The following RAB40B variants were observed in gnomAD, a reference collection of about 807,000 sequenced individuals.
RAB40B encodes the protein ras-related protein Rab-40B.
Under a neutral mutation model 24.0 loss-of-function variants are expected in RAB40B, and 21 were observed. The observed-to-expected ratio is 0.88, with a 90% CI of 0.62 to 1.26. RAB40B has a LOEUF of 1.26. RAB40B is among the 50% of genes most tolerant of loss of function. RAB40B has a pLI of 0.00. For synonymous variants in RAB40B, 167 were observed against 169.8 expected, an observed-to-expected ratio of 0.98 and a Z score of 0.13; for missense variants, 348 against 390.5, an observed-to-expected ratio of 0.89 and a Z score of 0.92.
At position 82,655,364 on chromosome 17, in the gene RAB40B, A is replaced by T. The variant is rs2143427969; in HGVS notation, c.*2499T>A. 6.6e-6 allele frequency: 1 copy of T among 152,318 alleles called. No homozygotes were observed. The highest frequency in any genetic ancestry group is 1.9e-4 in the East Asian group (1 of 5,184). 9.4% of individuals were successfully genotyped at this position (152,318 alleles called of 1,614,324 possible). ...GCCCGTGCATTCGGTGAACACCTCC[A>T]AAGAGCTCTGAGTCACAAAGCCTTG... is the stretch of plus-strand genomic sequence containing the variant. On this transcript the variant is annotated 3_prime_UTR_variant, in exon 6 of 6. Coordinates refer to ENST00000571995, the MANE Select transcript of RAB40B (RefSeq NM_006822.3).
In RAB40B at chr17:82,657,193, A is replaced by G. The variant is rs994232151; in HGVS notation, c.*670T>C. On this transcript the variant is annotated 3_prime_UTR_variant, in exon 6 of 6. Coordinates refer to ENST00000571995, the MANE Select transcript of RAB40B (RefSeq NM_006822.3). ...CGAAACTGTGCTGGCTGTGTTCAAC[A>G]TAACTAGAGGTATCTTTGGCATTTT... The G allele has an allele frequency of 6.2e-6, 1 of 162,492 alleles. No individual in the cohort carries two copies. Among genetic ancestry groups the G allele is most frequent in the African/African-American group, 2.4e-5 (1 of 41,492 alleles). The allele number at this position is 162,492 out of a possible 1,614,324, so 10.1% of individuals were successfully genotyped here. A position where few individuals can be genotyped will look rare whatever the true frequency, so the allele number is the denominator to read the frequency against.
At chr17:82,682,968 C>T (rs1240624177) in intron 1 of RAB40B, among the ~76,000 whole-genome samples, 1 of 152,132 alleles carries the variant, frequency 6.6e-6, no homozygotes, top group Non-Finnish European at 1.5e-5. Flanking sequence ...CAAGGTAAAA[C>T]CCTGTCTCTA....
intron 1 of RAB40B, among the ~76,000 whole-genome samples, chr17:82,674,380 C>T (rs1439437680): frequency 6.7e-6 from 1 of 150,242 alleles, no homozygotes; most frequent in Non-Finnish European, 1.5e-5. Flanking sequence ...GCCTGTAACC[C>T]CAGCACTTTG....
intron 4 of RAB40B, chr17:82,658,951 A>C: frequency 4.0e-6 from 2 of 504,802 alleles, no homozygotes; most frequent in South Asian, 2.9e-5. Flanking sequence ...AGACACAGAC[A>C]CTCGGAGGAG....
intron 1 of RAB40B, among the ~76,000 whole-genome samples, chr17:82,695,436 C>A (rs2046599474): frequency 6.6e-6 from 1 of 151,354 alleles, no homozygotes; most frequent in Non-Finnish European, 1.5e-5. Flanking sequence ...ATGACCCGCC[C>A]ACCTTGGCCT....
rs778583935 is a variant in RAB40B, at chr17:82,659,650, A to C, written c.272T>G (p.Ile91Ser). The stretch of plus-strand genomic sequence containing the variant: ...GCGGTTCGCAATGTCATAGACCAGG[A>C]TCACACCCTGGGGGAGAGGTCACAG... The part of the protein sequence containing the change: ...RSYSRGAQGV[I>S]LVYDIANRWS... The change falls in exon 4 of 6, where the codon ATC (isoleucine) becomes AGC (serine). Residue 91 changes from isoleucine to serine, a missense_variant. This residue lies in a region of RAB40B where 126 missense variants were observed against 181.0 expected (regional missense o/e 0.70). Coordinates refer to ENST00000571995, the MANE Select transcript of RAB40B (RefSeq NM_006822.3). 1 of 1,614,074 alleles carries C rather than the reference A, an allele frequency of 6.2e-7. No individual in the cohort carries two copies. Among genetic ancestry groups the C allele is most frequent in the Non-Finnish European group, 8.5e-7 (1 of 1,179,944 alleles).
chr17:82,662,916 G>A (rs960134438), intron 2 of RAB40B, among the ~76,000 whole-genome samples: 10 of 152,218 alleles, frequency 6.6e-5, no homozygotes, highest in African/African-American at 9.7e-5. Context: ...AGGGGCAGGC[G>A]TGGGGCCGAG....
intron 1 of RAB40B, among the ~76,000 whole-genome samples, chr17:82,679,066 G>A (rs542826469): frequency 6.7e-6 from 1 of 150,270 alleles, no homozygotes; most frequent in Non-Finnish European, 1.5e-5. Context: ...TGTATTTTTA[G>A]TAGAGACGGG....
At position 82,667,047 on chromosome 17, in the gene RAB40B, G is replaced by A. The variant is rs186000791; in HGVS notation, c.143-2491C>T. Among the ~76,000 whole-genome samples the A allele has an allele frequency of 1.3e-3, 197 of 152,354 alleles. 1 individual carries two copies. The highest frequency in any genetic ancestry group is 2.2e-3 in the Non-Finnish European group (153 of 68,024). ...ACCAGACCTCACCCTGGAGACCGTCGTGGAGCACACGGCCTCTGCAGCTCT... is the reference window on the plus strand; with the variant it reads ...ACCAGACCTCACCCTGGAGACCGTCATGGAGCACACGGCCTCTGCAGCTCT... On this transcript the variant is annotated intron_variant, in intron 1 of 5. Coordinates refer to ENST00000571995, the MANE Select transcript of RAB40B (RefSeq NM_006822.3). The surrounding 1 kb of genome is among the most constrained non-coding windows in gnomAD (Gnocchi z 4.3).
At chr17:82,685,097 G>C (rs1230385145) in intron 1 of RAB40B, among the ~76,000 whole-genome samples, 1 of 149,970 alleles carries the variant, frequency 6.7e-6, no homozygotes, top group Non-Finnish European at 1.5e-5. Context: ...TGGGTGACAA[G>C]AGTGAAACTC....
rs2046080158 is a variant in RAB40B, at chr17:82,655,400, T to C, written c.*2463A>G. ...AGTCACAAAGCCTTGGGAAACTTTA[T>C]TTTATTCTTTCTAGGACATTATCAG... On this transcript the variant is annotated 3_prime_UTR_variant, in exon 6 of 6. Coordinates refer to ENST00000571995, the MANE Select transcript of RAB40B (RefSeq NM_006822.3). The C allele has an allele frequency of 6.6e-6, 1 of 152,220 alleles. No homozygotes were observed. Among genetic ancestry groups the C allele is most frequent in the African/African-American group, 2.4e-5 (1 of 41,458 alleles). The allele number at this position is 152,220 out of a possible 1,614,324, so 9.4% of individuals were successfully genotyped here.
At position 82,667,634 on chromosome 17, in the gene RAB40B, T is replaced by C. The variant is rs1183392925; in HGVS notation, c.143-3078A>G. On this transcript the variant is annotated intron_variant, in intron 1 of 5. Transcript: ENST00000571995. The surrounding 1 kb of genome is among the most constrained non-coding windows in gnomAD (Gnocchi z 4.3). ...CATCCTCCTCTGTCTCCTGCTAAAC[T>C]CCACACTCTGTCCACAGAGACTGCC... 6.6e-6 allele frequency among the ~76,000 whole-genome samples: 1 copy of C among 151,952 alleles called. No homozygotes were observed. Among genetic ancestry groups the C allele is most frequent in the Non-Finnish European group, 1.5e-5 (1 of 68,006 alleles).
Position 82,667,729 on chromosome 17 carries a change from C to T in RAB40B, c.143-3173G>A, listed in dbSNP as rs2046275655. ...CTCCCCCCGTCAGAGGAGAGTGATT[C>T]AGAGGACAAAAGATACAGCAGCACT... On this transcript the variant is annotated intron_variant, in intron 1 of 5. Coordinates refer to ENST00000571995, the MANE Select transcript of RAB40B (RefSeq NM_006822.3). The surrounding 1 kb of genome is among the most constrained non-coding windows in gnomAD (Gnocchi z 4.3). Among the ~76,000 whole-genome samples the T allele has an allele frequency of 6.6e-6, 1 of 152,216 alleles. No homozygotes were observed. The highest frequency in any genetic ancestry group is 1.5e-5 in the Non-Finnish European group (1 of 68,044).
rs2046196953 is a variant in RAB40B at position 82,663,143 on chromosome 17, G to A, written c.203+1353C>T. On this transcript the variant is annotated intron_variant, in intron 2 of 5. Coordinates refer to ENST00000571995, the MANE Select transcript of RAB40B (RefSeq NM_006822.3). This position sits in a 1 kb window ranked among gnomAD's most constrained non-coding sequence, Gnocchi z 6.2. Reference sequence around the variant, plus strand: ...CCGGGGGAGTGGGGACCTGAGAGCAGACTGGGCGGGAGGCCTGAAGCTGTG... The same window carrying A: ...CCGGGGGAGTGGGGACCTGAGAGCAAACTGGGCGGGAGGCCTGAAGCTGTG... 6.6e-6 allele frequency among the ~76,000 whole-genome samples: 1 copy of A among 152,202 alleles called. No homozygotes were observed. Among genetic ancestry groups the A allele is most frequent in the Non-Finnish European group, 1.5e-5 (1 of 68,034 alleles).
chr17:82,697,324 C>T lies in RAB40B; in HGVS notation c.142+1131G>A, dbSNP rs1315349157. Among the ~76,000 whole-genome samples, 1 of 152,156 alleles carries T rather than the reference C, an allele frequency of 6.6e-6. No homozygotes were observed. Among genetic ancestry groups the T allele is most frequent in the Non-Finnish European group, 1.5e-5 (1 of 68,010 alleles). On this transcript the variant is annotated intron_variant, in intron 1 of 5. Transcript: ENST00000571995. This position sits in a 1 kb window ranked among gnomAD's most constrained non-coding sequence, Gnocchi z 4.9. Reference sequence around the variant, plus strand: ...TTAGGGGACAGCCTGCACCCTCTACCGAGCAGCCTCAGATCCCGCTTCCTC... The same window carrying T: ...TTAGGGGACAGCCTGCACCCTCTACTGAGCAGCCTCAGATCCCGCTTCCTC...
chr17:82,689,438 C>T (rs901623294), intron 1 of RAB40B, among the ~76,000 whole-genome samples: 4 of 152,164 alleles, frequency 2.6e-5, no homozygotes, highest in African/African-American at 9.7e-5. Flanking sequence ...CCTCTCCCAG[C>T]CTGTCACTGG....
chr17:82,685,893 T>C (rs2046495057), intron 1 of RAB40B, among the ~76,000 whole-genome samples: 1 of 151,040 alleles, frequency 6.6e-6, no homozygotes, highest in African/African-American at 2.4e-5. Flanking sequence ...AACCTCCACC[T>C]CCTGGATTCA....
In RAB40B at chr17:82,657,878, G is replaced by C; in HGVS notation, c.822C>G (p.Ser274Arg). ...AGTGCCTTCCTTAAGAAATTTTGCA[G>C]CTGTTTCTGGTGCAGTTTTTGGGGG... ...QSPPKNCTRNSCKIS is the reference protein window; with the variant it reads ...QSPPKNCTRNRCKIS The change falls in exon 6 of 6, where the codon AGC becomes AGG. Residue 274 changes from serine (S) to arginine (R), a missense_variant. Transcript: ENST00000571995. 1 of 1,601,938 alleles carries C rather than the reference G, an allele frequency of 6.2e-7. No homozygotes were observed. The highest frequency in any genetic ancestry group is 8.5e-7 in the Non-Finnish European group (1 of 1,174,826).
rs370720504 is a variant in RAB40B, at chr17:82,692,058, G to T, written c.142+6397C>A. Among the ~76,000 whole-genome samples, 72 of 109,384 alleles carry T rather than the reference G, an allele frequency of 6.6e-4. No individual in the cohort carries two copies. The highest frequency in any genetic ancestry group is 1.1e-3 in the South Asian group (3 of 2,690). The allele number at this position is 109,384 out of a possible 152,430, so 71.8% of individuals were successfully genotyped here. On this transcript the variant is annotated intron_variant, in intron 1 of 5. Coordinates refer to ENST00000571995, the MANE Select transcript of RAB40B (RefSeq NM_006822.3). The surrounding 1 kb of genome is among the most constrained non-coding windows in gnomAD (Gnocchi z 4.0). ...ACAGGCAGAGCAGTGGGGCCCGCAC[G>T]GTCCGTGGGCTGAGGTGACAGGCAG...
Sources: gnomAD v4.1 joint callset for allele counts (sites outside exome capture counted in the v4.1 genomes callset) on GRCh38, gnomAD v4.1.1 for gene constraint, gnomAD v4.1.1 regional missense constraint, Gnocchi (gnomAD v3.1) non-coding constraint, MANE v1.5 for transcripts, NCBI Gene and HGNC (gene_info 2026-07-23, HGNC 2026-07-21) for gene names.